Variants in AUTS2 observed in about 807,000 individuals in gnomAD.
AUTS2 encodes autism susceptibility gene 2 protein.
AUTS2 carries 17 observed loss-of-function variants against 112.4 expected under a neutral mutation model. The ratio of observed to expected loss-of-function variants is 0.15; its 90% confidence interval spans 0.10 to 0.23. AUTS2 has a LOEUF of 0.23. AUTS2 is among the 10% of genes least tolerant of loss of function. The pLI, the probability that AUTS2 is intolerant of heterozygous loss-of-function variation, is 1.00. For missense variants in AUTS2, 1,510 were observed against 1,701.6 expected, an observed-to-expected ratio of 0.89 and a Z score of 1.98; for synonymous variants, 751 against 702.7, an observed-to-expected ratio of 1.07 and a Z score of -1.09.
chr7:70,345,096 AC>A (rs1342302765), intron 4 of AUTS2, among the ~76,000 whole-genome samples: 1 of 152,084 alleles, frequency 6.6e-6, no homozygotes, highest in African/African-American at 2.4e-5. Context: ...ATTCCCCATT[AC>A]CTACAGTCTG....
At chr7:69,619,089 C>G (rs904759968) in intron 1 of AUTS2, among the ~76,000 whole-genome samples, 2 of 152,160 alleles carry the variant, frequency 1.3e-5, no homozygotes, top group Admixed American at 6.5e-5. Flanking sequence ...TGGTACCAAG[C>G]CATGTGTGGT....
At chr7:70,187,732 T>G (rs1452789611) in intron 4 of AUTS2, among the ~76,000 whole-genome samples, 1 of 149,690 alleles carries the variant, frequency 6.7e-6, no homozygotes, top group Non-Finnish European at 1.5e-5. Flanking sequence ...CATGTCATAA[T>G]AAAAGGAAGA....
At chr7:70,541,196 C>CA (rs1215521943) in intron 5 of AUTS2, among the ~76,000 whole-genome samples, 1 of 152,126 alleles carries the variant, frequency 6.6e-6, no homozygotes, top group Non-Finnish European at 1.5e-5. Context: ...CTTGGTTTCC[C>CA]AGCCCTGCAT....
intron 5 of AUTS2, among the ~76,000 whole-genome samples, chr7:70,657,602 C>T (rs1585452648): frequency 1.3e-5 from 2 of 152,324 alleles, no homozygotes; most frequent in East Asian, 3.9e-4. Context: ...GCCCAGGCCA[C>T]TTGTGGAGCC....
chr7:69,926,493 G>A (rs1261675461), intron 2 of AUTS2, among the ~76,000 whole-genome samples: 1 of 133,938 alleles, frequency 7.5e-6, no homozygotes, highest in Admixed American at 7.4e-5. Flanking sequence ...CTATCTATCT[G>A]CCTGCCTACC....
chr7:70,091,022 C>T (rs1480459783), intron 2 of AUTS2, among the ~76,000 whole-genome samples: 2 of 152,160 alleles, frequency 1.3e-5, no homozygotes, highest in African/African-American at 4.8e-5. Context: ...TTAATTCTTT[C>T]AGCTTTTGTA....
intron 4 of AUTS2, among the ~76,000 whole-genome samples, chr7:70,319,295 G>C (rs905593114): frequency 6.6e-6 from 1 of 152,128 alleles, no homozygotes; most frequent in East Asian, 1.9e-4. Flanking sequence ...AGGGATTTGC[G>C]AGTTGGGGGA....
intron 1 of AUTS2, among the ~76,000 whole-genome samples, chr7:69,742,965 C>G (rs1165963652): frequency 6.6e-6 from 1 of 152,158 alleles, no homozygotes; most frequent in Non-Finnish European, 1.5e-5. Flanking sequence ...TGGGGTATCT[C>G]CTGCACAATT....
chr7:69,878,946 G>A (rs1040923464), intron 1 of AUTS2, among the ~76,000 whole-genome samples: 2 of 152,130 alleles, frequency 1.3e-5, no homozygotes, highest in Non-Finnish European at 2.9e-5. Flanking sequence ...TTACAGCTGA[G>A]GGCCCTTTGG....
chr7:69,613,517 T>C (rs1277083938), intron 1 of AUTS2, among the ~76,000 whole-genome samples: 1 of 152,230 alleles, frequency 6.6e-6, no homozygotes, highest in East Asian at 1.9e-4. Context: ...GGATTCAGGC[T>C]GATGATATAG....
chr7:70,398,117 GT>G (rs1794167135), intron 4 of AUTS2, among the ~76,000 whole-genome samples: 1 of 152,138 alleles, frequency 6.6e-6, no homozygotes. Context: ...ACATGTATGT[GT>G]TTATTTCCTC....
intron 4 of AUTS2, among the ~76,000 whole-genome samples, chr7:70,344,135 C>T (rs1236381734): frequency 6.6e-6 from 1 of 152,144 alleles, no homozygotes; most frequent in African/African-American, 2.4e-5. Context: ...GCCCTAGACA[C>T]CTTACTTACG....
chr7:69,945,152 A>G (rs1231031299), intron 2 of AUTS2, among the ~76,000 whole-genome samples: 2 of 152,218 alleles, frequency 1.3e-5, no homozygotes, highest in Non-Finnish European at 2.9e-5. Flanking sequence ...TTTAAAATAT[A>G]TAGTTCAGTG....
chr7:69,747,215 A>G (rs1562855271), intron 1 of AUTS2, among the ~76,000 whole-genome samples: 1 of 152,228 alleles, frequency 6.6e-6, no homozygotes, highest in Non-Finnish European at 1.5e-5. Context: ...GCTGCTGGTC[A>G]GGGACCACGC....
intron 4 of AUTS2, among the ~76,000 whole-genome samples, chr7:70,337,864 A>G (rs1386030843): frequency 6.6e-6 from 1 of 152,166 alleles, no homozygotes; most frequent in South Asian, 2.1e-4. Context: ...GCCTCAGTTT[A>G]CTGTTGTTGG....
At chr7:69,622,682 A>G (rs1793734948) in intron 1 of AUTS2, among the ~76,000 whole-genome samples, 1 of 152,356 alleles carries the variant, frequency 6.6e-6, no homozygotes, top group East Asian at 1.9e-4. Flanking sequence ...CTAGATATAC[A>G]GGATGGGGTT....
At chr7:69,967,444 G>A (rs1477252828) in intron 2 of AUTS2, among the ~76,000 whole-genome samples, 2 of 152,124 alleles carry the variant, frequency 1.3e-5, no homozygotes, top group Non-Finnish European at 2.9e-5. Context: ...GTGGGAGGGA[G>A]GGAGAGGCAG....
At chr7:70,552,142 GA>G (rs1185654109) in intron 5 of AUTS2, among the ~76,000 whole-genome samples, 6 of 152,082 alleles carry the variant, frequency 3.9e-5, no homozygotes, top group Non-Finnish European at 8.8e-5. Context: ...TTAAACAAGA[GA>G]AAAAGTGAAT....
At chr7:70,279,505 T>C (rs1217434157) in intron 4 of AUTS2, among the ~76,000 whole-genome samples, 1 of 152,222 alleles carries the variant, frequency 6.6e-6, no homozygotes, top group Admixed American at 6.5e-5. Context: ...TCAAGGGCAG[T>C]CTCAGCTCTT....
Sources: gnomAD v4.1 joint callset for allele counts (sites outside exome capture counted in the v4.1 genomes callset) on GRCh38, gnomAD v4.1.1 for gene constraint, MANE v1.5 for transcripts, NCBI Gene and HGNC (gene_info 2026-07-23, HGNC 2026-07-21) for gene names.